CNTNAP2: variants seen among roughly 807,000 people sequenced by gnomAD.
CNTNAP2 encodes the protein contactin-associated protein-like 2.
A neutral mutation model predicts 155.2 loss-of-function variants in CNTNAP2; 98 were observed. That is an observed-to-expected ratio of 0.63 (90% confidence interval 0.54 to 0.75). The LOEUF is 0.75. Ranked by LOEUF, CNTNAP2 falls within the 30% of genes least tolerant of loss-of-function variation. The pLI is 0.00. For synonymous variants in CNTNAP2, 651 were observed against 631.2 expected (o/e 1.03, Z -0.47); for missense variants, 1,727 against 1,688.1 (o/e 1.02, Z -0.40).
intron 1 of CNTNAP2, among the ~76,000 whole-genome samples, chr7:146,469,702 A>G (rs891899500): frequency 3.3e-5 from 5 of 151,406 alleles, no homozygotes; most frequent in Non-Finnish European, 5.9e-5. Flanking sequence ...ATTTATTTTT[A>G]TTTTTAGTGG....
intron 1 of CNTNAP2, among the ~76,000 whole-genome samples, chr7:146,766,579 C>A (rs1161267602): frequency 6.6e-6 from 1 of 152,154 alleles, no homozygotes; most frequent in African/African-American, 2.4e-5. Flanking sequence ...TGGCCTTTGT[C>A]CTGACTTTAA....
intron 3 of CNTNAP2, among the ~76,000 whole-genome samples, chr7:146,980,414 A>G (rs1446543187): frequency 3.3e-5 from 5 of 152,194 alleles, no homozygotes; most frequent in Non-Finnish European, 5.9e-5. Context: ...CAGGAGCAGA[A>G]CAGTCCAGGT....
In CNTNAP2 at chr7:147,036,405, G is replaced by A. The variant is rs1799152392; in HGVS notation, c.403-7502G>A. Among the ~76,000 whole-genome samples the A allele has an allele frequency of 3.9e-5, 6 of 152,084 alleles. 1 individual carries two copies. Among genetic ancestry groups the A allele is most frequent in the South Asian group, 4.1e-4 (2 of 4,820 alleles). Reference sequence around the variant, plus strand: ...TAACATTGTGGATGACTTACAATATGTTAAAAAAGTTCTAAATTTTGGTAT... The same window carrying A: ...TAACATTGTGGATGACTTACAATATATTAAAAAAGTTCTAAATTTTGGTAT... On this transcript the variant is annotated intron_variant, in intron 3 of 23. Transcript: ENST00000361727.
chr7:148,336,438 C>CT lies in CNTNAP2; in HGVS notation c.3476-47207dup, dbSNP rs1159202300. 1.5e-3 allele frequency among the ~76,000 whole-genome samples: 10 copies of CT among 6,520 alleles called. No individual in the cohort carries two copies. In the South Asian group the frequency reaches 0.076, roughly 50 times the overall value. The allele number at this position is 6,520 out of a possible 152,430, so 4.3% of individuals were successfully genotyped here. A position where few individuals can be genotyped will look rare whatever the true frequency, so the allele number is the denominator to read the frequency against. On this transcript the variant is annotated intron_variant, in intron 21 of 23. Coordinates refer to ENST00000361727, the MANE Select transcript of CNTNAP2 (RefSeq NM_014141.6). ...ACTAATCAGTAGCAGTGGTGATGGT[C>CT]TTTTAAAAAAAAAAAGTTTCGGTTG... is the stretch of plus-strand genomic sequence containing the variant.
At chr7:146,876,244 T>A (rs890048259) in intron 3 of CNTNAP2, among the ~76,000 whole-genome samples, 1 of 152,104 alleles carries the variant, frequency 6.6e-6, no homozygotes, top group East Asian at 1.9e-4. Context: ...AGGTTGAAGA[T>A]GAGAGCAGAC....
chr7:147,273,140 G>A (rs1007862414), intron 8 of CNTNAP2, among the ~76,000 whole-genome samples: 1 of 152,112 alleles, frequency 6.6e-6, no homozygotes, highest in African/African-American at 2.4e-5. Flanking sequence ...GCCTGCAGAA[G>A]CCCCCAGCAC....
chr7:147,784,195 A>G (rs34627448), intron 13 of CNTNAP2, among the ~76,000 whole-genome samples: 8,472 of 151,490 alleles, frequency 0.056, 351 homozygotes, highest in Non-Finnish European at 0.083. Flanking sequence ...TCCTAACTAC[A>G]TTTGCAATGA....
chr7:148,348,437 C>T (rs910590425), intron 21 of CNTNAP2, among the ~76,000 whole-genome samples: 1 of 152,170 alleles, frequency 6.6e-6, no homozygotes. Context: ...CAGTTTAATT[C>T]CACATCCCTG....
chr7:148,208,825 C>G (rs1425210064), intron 18 of CNTNAP2, among the ~76,000 whole-genome samples: 1 of 152,070 alleles, frequency 6.6e-6, no homozygotes. Flanking sequence ...CTTGAAAAAC[C>G]CTTTTTCCTT....
At chr7:146,581,901 G>A (rs1243596163) in intron 1 of CNTNAP2, among the ~76,000 whole-genome samples, 4 of 152,058 alleles carry the variant, frequency 2.6e-5, no homozygotes, top group Non-Finnish European at 4.4e-5. Context: ...AAATGATGCA[G>A]TGAGAATTGA....
At chr7:146,793,989 C>A (rs968833353) in intron 2 of CNTNAP2, among the ~76,000 whole-genome samples, 2 of 152,194 alleles carry the variant, frequency 1.3e-5, no homozygotes, top group African/African-American at 4.8e-5. Flanking sequence ...TATGCTCAGC[C>A]AGTCTCTCTC....
At chr7:147,565,332 G>A (rs1361223327) in intron 12 of CNTNAP2, among the ~76,000 whole-genome samples, 2 of 152,098 alleles carry the variant, frequency 1.3e-5, no homozygotes, top group Non-Finnish European at 2.9e-5. Flanking sequence ...GCAGGCCAGA[G>A]CAGACCAGCC....
chr7:148,270,094 G>A lies in CNTNAP2; in HGVS notation c.3475+2968G>A, dbSNP rs956157778. On this transcript the variant is annotated intron_variant, in intron 21 of 23. Coordinates refer to ENST00000361727, the MANE Select transcript of CNTNAP2 (RefSeq NM_014141.6). ...ATGAGTAATATTCTCTGGTTCCTCTGTTTTCCAGGTCATGTAACTAGTTCA... is the reference window on the plus strand; with the variant it reads ...ATGAGTAATATTCTCTGGTTCCTCTATTTTCCAGGTCATGTAACTAGTTCA... Among the ~76,000 whole-genome samples the A allele has an allele frequency of 7.2e-5, 11 of 152,240 alleles. No individual in the cohort carries two copies. The South Asian group carries it at 2.1e-3, about 29-fold the overall frequency.
chr7:146,492,515 A>T (rs895591497), intron 1 of CNTNAP2, among the ~76,000 whole-genome samples: 3 of 152,144 alleles, frequency 2.0e-5, no homozygotes, highest in African/African-American at 4.8e-5. Context: ...AAATCTTTTC[A>T]TATCTTCTTA....
intron 23 of CNTNAP2, among the ~76,000 whole-genome samples, chr7:148,415,162 T>C (rs1227061327): frequency 6.6e-6 from 1 of 152,258 alleles, no homozygotes; most frequent in African/African-American, 2.4e-5. Context: ...CTAATGTCTG[T>C]AGACTGTCAT....
intron 10 of CNTNAP2, among the ~76,000 whole-genome samples, chr7:147,418,869 G>A (rs568101469): frequency 5.3e-4 from 80 of 152,278 alleles, no homozygotes; most frequent in African/African-American, 1.8e-3. Flanking sequence ...ATGTCTTCAA[G>A]CCTCGAAGCA....
At chr7:146,680,896 T>C (rs929233979) in intron 1 of CNTNAP2, among the ~76,000 whole-genome samples, 2 of 152,158 alleles carry the variant, frequency 1.3e-5, no homozygotes, top group African/African-American at 2.4e-5. Context: ...TGATAGAACA[T>C]GTGTGAAGGT....
In CNTNAP2 at chr7:146,159,578, AG is replaced by A. The variant is rs202166215; in HGVS notation, c.97+42609del. ...AAGCAAATGGAAAACAAAAAAAAGC[AG>A]GGGTTGCAATCTTAGTCTCTGATAA... is the stretch of plus-strand genomic sequence containing the variant. On this transcript the variant is annotated intron_variant, in intron 1 of 23. Transcript: ENST00000361727. Among the ~76,000 whole-genome samples the A allele has an allele frequency of 4.5e-3, 686 of 152,286 alleles. 2 individuals are homozygous for A. The highest frequency in any genetic ancestry group is 0.016 in the African/African-American group (657 of 41,558).
chr7:147,079,731 A>G (rs1800080661), intron 4 of CNTNAP2, among the ~76,000 whole-genome samples: 1 of 151,964 alleles, frequency 6.6e-6, no homozygotes, highest in Non-Finnish European at 1.5e-5. Flanking sequence ...AATAGATTAA[A>G]AATGGAGTAT....
Sources: allele counts gnomAD v4.1 joint callset (sites outside exome capture counted in the v4.1 genomes callset), GRCh38; gene constraint gnomAD v4.1.1; transcripts MANE v1.5; gene names NCBI Gene and HGNC (gene_info 2026-07-23, HGNC 2026-07-21).